MBOAT1: variants seen among roughly 807,000 people sequenced by gnomAD.
MBOAT1 encodes the protein membrane-bound glycerophospholipid O-acyltransferase 1.
In MBOAT1, 67 loss-of-function variants were observed where a neutral mutation model predicts 64.4. The ratio of observed to expected loss-of-function variants is 1.04; its 90% CI spans 0.85 to 1.27. The LOEUF (loss-of-function observed/expected upper bound fraction) is 1.27. Among genes scored for constraint, MBOAT1 ranks in the 50% most tolerant of loss-of-function variants. MBOAT1 has a pLI of 0.00. For synonymous variants in MBOAT1, 229 were observed against 218.9 expected, an observed-to-expected ratio of 1.05 and a Z score of -0.41; for missense variants, 563 against 604.6, an observed-to-expected ratio of 0.93 and a Z score of 0.72.
At chr6:20,141,051 G>A (rs1188150306) in intron 4 of MBOAT1, among the ~76,000 whole-genome samples, 1 of 152,144 alleles carries the variant, frequency 6.6e-6, no homozygotes, top group Non-Finnish European at 1.5e-5. Flanking sequence ...CTGGGGTACA[G>A]GGAGTGGGGG....
At chr6:20,145,219 C>T (rs76846956) in intron 3 of MBOAT1, among the ~76,000 whole-genome samples, 1,234 of 66,980 alleles carry the variant, frequency 0.018, 26 homozygotes, top group African/African-American at 0.047. Context: ...ACAAAAGAGA[C>T]CCCAGAGAGC....
Position 20,151,168 on chromosome 6 carries a change from C to G in MBOAT1, c.323+17G>C. 1 of 1,568,096 alleles carries G rather than the reference C, an allele frequency of 6.4e-7. No homozygotes were observed. Among genetic ancestry groups the G allele is most frequent in the South Asian group, 1.1e-5 (1 of 89,248 alleles). On this transcript the variant is annotated intron_variant, in intron 3 of 12. Coordinates refer to ENST00000324607, the MANE Select transcript of MBOAT1 (RefSeq NM_001080480.3). The stretch of plus-strand genomic sequence containing the variant: ...AAAGAAAATCTCACCTTGCATTGTT[C>G]ATTCCCAGTATCTTACCTGTGAATA...
chr6:20,152,724 A>T lies in MBOAT1; in HGVS notation c.145T>A (p.Trp49Arg). Residue 49 changes from tryptophan (W) to arginine (R), a missense_variant, in exon 2 of 13, where the codon TGG becomes AGG. Transcript: ENST00000324607. The part of the protein sequence containing the change: ...CQLVALFAAF[W>R]FRIYLRPGTT... ...CCAGGACGTAAGTAGATGCGAAACC[A>T]GAAAGCAGCAAACAGAGCAACAAGC... 1 of 1,612,610 alleles carries T rather than the reference A, an allele frequency of 6.2e-7. No homozygotes were observed. Among genetic ancestry groups the T allele is most frequent in the Non-Finnish European group, 8.5e-7 (1 of 1,178,930 alleles).
intron 1 of MBOAT1, among the ~76,000 whole-genome samples, chr6:20,181,867 T>A (rs1762520951): frequency 6.6e-6 from 1 of 152,210 alleles, no homozygotes; most frequent in Non-Finnish European, 1.5e-5. Context: ...TTAGTTTACA[T>A]CTATAGTAAA....
At chr6:20,132,140 G>A (rs534216027) in intron 4 of MBOAT1, among the ~76,000 whole-genome samples, 15 of 152,174 alleles carry the variant, frequency 9.9e-5, no homozygotes, top group East Asian at 1.9e-4. Context: ...ATGAGCCTCC[G>A]AAAGTGCTGG....
rs752459352 is a variant in MBOAT1 at position 20,212,272 on chromosome 6, C to G, written c.-38G>C. On this transcript the variant is annotated 5_prime_UTR_variant, in exon 1 of 13. Coordinates refer to ENST00000324607, the MANE Select transcript of MBOAT1 (RefSeq NM_001080480.3). Reference sequence around the variant, plus strand: ...GGAGGTGGCTGCCCCTGTCCCAGCCCGCAACACCCCCTGCTCGGCGTCCTC... The same window carrying G: ...GGAGGTGGCTGCCCCTGTCCCAGCCGGCAACACCCCCTGCTCGGCGTCCTC... 8.3e-6 allele frequency: 13 copies of G among 1,574,718 alleles called. No individual in the cohort carries two copies. Among genetic ancestry groups the G allele is most frequent in the Non-Finnish European group, 1.0e-5 (12 of 1,155,912 alleles).
Position 20,174,762 on chromosome 6 carries a change from C to T in MBOAT1, c.100-21993G>A, listed in dbSNP as rs983864081. Among the ~76,000 whole-genome samples the T allele has an allele frequency of 4.6e-5, 7 of 152,166 alleles. No individual in the cohort carries two copies. The East Asian group carries it at 5.8e-4, about 13-fold the overall frequency. On this transcript the variant is annotated intron_variant, in intron 1 of 12. Coordinates refer to ENST00000324607, the MANE Select transcript of MBOAT1 (RefSeq NM_001080480.3). ...ATACATGGTCCTTCATAGACCAAAACGTTGTTATGTAGTACATGACTGTAT... is the reference window on the plus strand; with the variant it reads ...ATACATGGTCCTTCATAGACCAAAATGTTGTTATGTAGTACATGACTGTAT...
At chr6:20,183,886 A>C (rs560590744) in intron 1 of MBOAT1, among the ~76,000 whole-genome samples, 108 of 152,226 alleles carry the variant, frequency 7.1e-4, no homozygotes, top group Non-Finnish European at 1.3e-3. Flanking sequence ...GGCGAAAGGC[A>C]CTTCTTACAT....
At position 20,148,072 on chromosome 6, in the gene MBOAT1, C is replaced by T. The variant is rs114225664; in HGVS notation, c.323+3113G>A. 2.9e-3 allele frequency among the ~76,000 whole-genome samples: 440 copies of T among 152,256 alleles called. 3 individuals carry two copies. Among genetic ancestry groups the T allele is most frequent in the African/African-American group, 9.8e-3 (407 of 41,542 alleles). On this transcript the variant is annotated intron_variant, in intron 3 of 12. Transcript: ENST00000324607. ...CCAACACAGTGGCTTGGGAAGGAAA[C>T]ACAGGGGGTATCCCCAAAACCCTCT...
chr6:20,102,232 A>T lies in MBOAT1; in HGVS notation c.*54T>A, dbSNP rs1478898504. 6.3e-7 allele frequency: 1 copy of T among 1,589,318 alleles called. No individual in the cohort carries two copies. Among genetic ancestry groups the T allele is most frequent in the African/African-American group, 1.4e-5 (1 of 73,710 alleles). ...CCGGAGGAGCCCTTGAAGCCTTGTC[A>T]TCTCATCTTTCGAACGTTCTGCAGT... On this transcript the variant is annotated 3_prime_UTR_variant, in exon 13 of 13. Coordinates refer to ENST00000324607, the MANE Select transcript of MBOAT1 (RefSeq NM_001080480.3).
At chr6:20,198,442 C>T (rs1263732706) in intron 1 of MBOAT1, among the ~76,000 whole-genome samples, 1 of 152,130 alleles carries the variant, frequency 6.6e-6, no homozygotes, top group Non-Finnish European at 1.5e-5. Context: ...GTACAAGACC[C>T]TCTTCAGGAA....
chr6:20,181,161 T>C (rs1762496536), intron 1 of MBOAT1, among the ~76,000 whole-genome samples: 1 of 152,152 alleles, frequency 6.6e-6, no homozygotes, highest in African/African-American at 2.4e-5. Flanking sequence ...GAGAGATGAA[T>C]TATGAATGAC....
At chr6:20,193,478 A>T (rs963348926) in intron 1 of MBOAT1, among the ~76,000 whole-genome samples, 1 of 152,158 alleles carries the variant, frequency 6.6e-6, no homozygotes, top group African/African-American at 2.4e-5. Flanking sequence ...AAATGCATGA[A>T]GATTTTCATT....
chr6:20,126,286 G>T (rs1393070038), intron 7 of MBOAT1, among the ~76,000 whole-genome samples: 1 of 152,200 alleles, frequency 6.6e-6, no homozygotes, highest in Non-Finnish European at 1.5e-5. Context: ...AATATTGACT[G>T]ATGAACTGAC....
intron 1 of MBOAT1, among the ~76,000 whole-genome samples, chr6:20,202,006 T>C (rs9465657): frequency 0.18 from 27,679 of 151,972 alleles, 3,111 homozygotes; most frequent in African/African-American, 0.32. Flanking sequence ...AAAATAATAC[T>C]GGGGCAGGGG....
chr6:20,160,099 C>T (rs561898793), intron 1 of MBOAT1, among the ~76,000 whole-genome samples: 12 of 152,284 alleles, frequency 7.9e-5, no homozygotes, highest in South Asian at 6.2e-4. Flanking sequence ...TCAAAGTCGC[C>T]GCAAAGAAAT....
intron 4 of MBOAT1, among the ~76,000 whole-genome samples, chr6:20,133,243 A>G (rs1211586075): frequency 6.6e-6 from 1 of 152,208 alleles, no homozygotes; most frequent in Non-Finnish European, 1.5e-5. Context: ...GCTCCACCAG[A>G]TCTGGTGAGG....
At chr6:20,204,697 G>A (rs1018900627) in intron 1 of MBOAT1, among the ~76,000 whole-genome samples, 2 of 152,116 alleles carry the variant, frequency 1.3e-5, no homozygotes, top group Non-Finnish European at 2.9e-5. Flanking sequence ...AGGCTGGAGG[G>A]TATGAAAGAC....
chr6:20,210,524 C>A (rs1185004968), intron 1 of MBOAT1, among the ~76,000 whole-genome samples: 1 of 152,134 alleles, frequency 6.6e-6, no homozygotes, highest in Non-Finnish European at 1.5e-5. Flanking sequence ...GCTAAGAGAT[C>A]TCAGGTGCTC....
Sources: gnomAD v4.1 joint callset for allele counts (sites outside exome capture counted in the v4.1 genomes callset) on GRCh38, gnomAD v4.1.1 for gene constraint, MANE v1.5 for transcripts, NCBI Gene and HGNC (gene_info 2026-07-23, HGNC 2026-07-21) for gene names.